MYO16: variants seen among roughly 807,000 people sequenced by gnomAD.
MYO16 encodes the protein unconventional myosin-XVI.
MYO16 carries 94 observed loss-of-function variants against 205.3 expected under a neutral mutation model. The ratio of observed to expected loss-of-function variants is 0.46; its 90% CI spans 0.39 to 0.54. The LOEUF is 0.54. Among genes scored for constraint, MYO16 ranks in the 20% least tolerant of loss-of-function variants. The probability of loss-of-function intolerance (pLI) is 0.00; values close to 1 mark genes in which losing one functional copy is unlikely to be tolerated. For missense variants in MYO16, 2,315 were observed against 2,387.5 expected (o/e 0.97, Z 0.63); for synonymous variants, 988 against 954.0 (o/e 1.04, Z -0.66).
chr13:108,639,236 G>A (rs958332109), intron 1 of MYO16, among the ~76,000 whole-genome samples: 27 of 152,146 alleles, frequency 1.8e-4, no homozygotes, highest in African/African-American at 6.0e-4. Context: ...AAATCAGGAG[G>A]GTGGGGACAG....
intron 1 of MYO16, among the ~76,000 whole-genome samples, chr13:108,654,922 G>A (rs1225308999): frequency 1.3e-5 from 2 of 152,268 alleles, no homozygotes; most frequent in African/African-American, 4.8e-5. Context: ...AAATTTCTAA[G>A]CAGCAAAGTA....
chr13:109,111,069 T>A (rs570904724), intron 28 of MYO16, among the ~76,000 whole-genome samples: 1 of 152,254 alleles, frequency 6.6e-6, no homozygotes, highest in Non-Finnish European at 1.5e-5. Flanking sequence ...AAAAGGAACA[T>A]CAGGAAAAAT....
At chr13:109,170,776 G>A (rs1347742227) in intron 33 of MYO16, among the ~76,000 whole-genome samples, 8 of 152,076 alleles carry the variant, frequency 5.3e-5, no homozygotes, top group Admixed American at 2.6e-4. Flanking sequence ...TTGTGAAATA[G>A]GATCCATGAA....
chr13:109,127,725 TCTAA>T lies in MYO16; in HGVS notation c.4051+176_4051+179del. ...AATATAAATAATATTTATTCAAATC[TCTAA>T]GCCTCTTAGGGAAAAGCTACTTACA... On this transcript the variant is annotated intron_variant, in intron 31 of 34. Transcript: ENST00000457511. This position sits in a 1 kb window ranked among gnomAD's most constrained non-coding sequence, Gnocchi z 4.2. 1 of 654,798 alleles carries T rather than the reference TCTAA, an allele frequency of 1.5e-6. No homozygotes were observed. The highest frequency in any genetic ancestry group is 2.4e-6 in the Non-Finnish European group (1 of 409,476). The allele number at this position is 654,798 out of a possible 1,614,324, so 40.6% of individuals were successfully genotyped here. A position where few individuals can be genotyped will look rare whatever the true frequency, so the allele number is the denominator to read the frequency against.
intron 33 of MYO16, among the ~76,000 whole-genome samples, chr13:109,177,643 G>A (rs895458124): frequency 3.3e-5 from 5 of 151,854 alleles, no homozygotes; most frequent in Non-Finnish European, 7.4e-5. Context: ...TCAGCCTCCT[G>A]AGTAGCTGAG....
intron 16 of MYO16, among the ~76,000 whole-genome samples, chr13:108,910,892 T>C (rs1382561194): frequency 6.6e-6 from 1 of 152,094 alleles, no homozygotes; most frequent in African/African-American, 2.4e-5. Context: ...AACTAGACTC[T>C]GAGGACATGT....
chr13:108,651,252 C>T (rs114920510), intron 1 of MYO16, among the ~76,000 whole-genome samples: 1 of 152,142 alleles, frequency 6.6e-6, no homozygotes, highest in Non-Finnish European at 1.5e-5. Context: ...TGTGGCACAA[C>T]CTGCAGGGCA....
At chr13:108,789,637 T>G (rs1050158222) in intron 5 of MYO16, among the ~76,000 whole-genome samples, 5 of 152,198 alleles carry the variant, frequency 3.3e-5, no homozygotes, top group African/African-American at 1.2e-4. Context: ...TCCTGTTTAT[T>G]TCTGTTTGCT....
chr13:109,114,981 G>A (rs1189382874), intron 28 of MYO16, among the ~76,000 whole-genome samples: 1 of 151,984 alleles, frequency 6.6e-6, no homozygotes, highest in Non-Finnish European at 1.5e-5. Flanking sequence ...TACATTAGAT[G>A]TTTTTCTCAA....
intron 1 of MYO16, among the ~76,000 whole-genome samples, chr13:108,641,706 G>C (rs990208311): frequency 5.3e-5 from 8 of 152,128 alleles, no homozygotes; most frequent in African/African-American, 1.9e-4. Flanking sequence ...CTTCCACACA[G>C]CACTCATGAG....
At chr13:109,169,367 CAAATA>C (rs1878835123) in intron 33 of MYO16, among the ~76,000 whole-genome samples, 1 of 151,562 alleles carries the variant, frequency 6.6e-6, no homozygotes, top group Non-Finnish European at 1.5e-5. Flanking sequence ...AAATATAAAA[CAAATA>C]AAATAATGTG....
intron 1 of MYO16, among the ~76,000 whole-genome samples, chr13:108,643,171 C>T (rs1176978736): frequency 1.3e-5 from 2 of 152,228 alleles, no homozygotes; most frequent in African/African-American, 4.8e-5. Flanking sequence ...CTTCCATAAT[C>T]ACTAGCCTCT....
chr13:109,139,989 C>T (rs571426721), intron 31 of MYO16, among the ~76,000 whole-genome samples: 5 of 152,200 alleles, frequency 3.3e-5, no homozygotes, highest in African/African-American at 1.2e-4. Flanking sequence ...GTGGTGGTCT[C>T]CTTCCTCACT....
intron 14 of MYO16, among the ~76,000 whole-genome samples, chr13:108,894,712 G>C (rs1880329795): frequency 6.6e-6 from 1 of 152,184 alleles, no homozygotes; most frequent in Admixed American, 6.6e-5. Context: ...GAGCTCACCT[G>C]CCTTTGTCCT....
the MYO16 span, among the ~76,000 whole-genome samples, chr13:108,549,561 A>G: frequency 2.6e-5 from 4 of 152,136 alleles, no homozygotes; most frequent in Admixed American, 1.3e-4. Context: ...TAGAGTAAGG[A>G]GTTAGTAAAT....
intron 13 of MYO16, among the ~76,000 whole-genome samples, chr13:108,884,439 C>G (rs1879762636): frequency 6.6e-6 from 1 of 152,166 alleles, no homozygotes; most frequent in East Asian, 1.9e-4. Flanking sequence ...GGCACTGAGG[C>G]ATGGGATTCC....
At chr13:108,932,686 C>T (rs1272636654) in intron 16 of MYO16, among the ~76,000 whole-genome samples, 1 of 152,168 alleles carries the variant, frequency 6.6e-6, no homozygotes, top group Non-Finnish European at 1.5e-5. Context: ...TGTTGTCTGG[C>T]TGTGCATCTG....
intron 32 of MYO16, among the ~76,000 whole-genome samples, chr13:109,155,264 A>T (rs1877946049): frequency 6.6e-6 from 1 of 152,116 alleles, no homozygotes; most frequent in Non-Finnish European, 1.5e-5. Flanking sequence ...GGAGTGAAGG[A>T]GGAGCAGACA....
At chr13:109,029,327 C>T (rs932465307) in intron 23 of MYO16, among the ~76,000 whole-genome samples, 9 of 151,874 alleles carry the variant, frequency 5.9e-5, no homozygotes, top group Non-Finnish European at 1.3e-4. Flanking sequence ...TGGTCTTGAA[C>T]TCCTGACCTC....
Sources: allele counts gnomAD v4.1 joint callset (sites outside exome capture counted in the v4.1 genomes callset), GRCh38; gene constraint gnomAD v4.1.1; non-coding constraint Gnocchi (gnomAD v3.1); transcripts MANE v1.5; gene names NCBI Gene and HGNC (gene_info 2026-07-23, HGNC 2026-07-21).